AGTPBP1: variants seen among roughly 807,000 people sequenced by gnomAD.
AGTPBP1 encodes the protein ATP/GTP binding carboxypeptidase 1.
In AGTPBP1, 70 loss-of-function variants were observed where a neutral mutation model predicts 143.9. That is an observed-to-expected ratio of 0.49 (90% CI 0.40 to 0.59). The LOEUF (loss-of-function observed/expected upper bound fraction) is 0.59, where lower values mean the gene tolerates loss of function less well. AGTPBP1 is among the 20% of genes least tolerant of loss of function. The pLI is 0.00. For synonymous variants in AGTPBP1, 463 were observed against 500.2 expected (o/e 0.93, Z 0.99); for missense variants, 1,229 against 1,464.5 (o/e 0.84, Z 2.62).
intron 8 of AGTPBP1, among the ~76,000 whole-genome samples, chr9:85,664,105 G>A (rs1833996921): frequency 6.6e-6 from 1 of 152,068 alleles, no homozygotes; most frequent in Admixed American, 6.6e-5. Context: ...TAAAATTCCT[G>A]AACTTACATG....
rs961158018 is a variant in AGTPBP1 at position 85,557,599 on chromosome 9, T to C, written c.3504-10313A>G. Among the ~76,000 whole-genome samples the C allele has an allele frequency of 3.3e-5, 5 of 152,176 alleles. No individual in the cohort carries two copies. The South Asian group carries it at 1.0e-3, about 32-fold the overall frequency. Reference sequence around the variant, plus strand: ...CACAGCTATTAGAAAGGAAAATCTTTTTTCTTAATTTGCTTAATTAAATGG... The same window carrying C: ...CACAGCTATTAGAAAGGAAAATCTTCTTTCTTAATTTGCTTAATTAAATGG... On this transcript the variant is annotated intron_variant, in intron 25 of 25. Coordinates refer to ENST00000357081, the MANE Select transcript of AGTPBP1 (RefSeq NM_001330701.2).
chr9:85,756,508 G>A, the AGTPBP1 span, among the ~76,000 whole-genome samples: 29 of 149,162 alleles, frequency 1.9e-4, no homozygotes, highest in African/African-American at 7.1e-4. Flanking sequence ...AGGGTGGGTG[G>A]ATGGATTGAT....
intron 1 of AGTPBP1, among the ~76,000 whole-genome samples, chr9:85,736,523 CT>C (rs748091796): frequency 2.0e-5 from 3 of 152,154 alleles, no homozygotes; most frequent in Non-Finnish European, 4.4e-5. Flanking sequence ...TTCCTACTAT[CT>C]AGCTATAATA....
chr9:85,775,536 G>T, the AGTPBP1 span, among the ~76,000 whole-genome samples: 1 of 145,804 alleles, frequency 6.9e-6, no homozygotes, highest in East Asian at 2.0e-4. Flanking sequence ...TATATATATA[G>T]ATATATAAAA....
In AGTPBP1 at chr9:85,579,878, G is replaced by A. The variant is rs898338689; in HGVS notation, c.3166-782C>T. 7.3e-5 allele frequency among the ~76,000 whole-genome samples: 11 copies of A among 150,652 alleles called. No homozygotes were observed. The East Asian group carries it at 1.8e-3, about 24-fold the overall frequency. ...CATTAAATTAAATTCTAGCTGGATT[G>A]AGAATATAAACTTAAAATTAATAAA... On this transcript the variant is annotated intron_variant, in intron 23 of 25. Coordinates refer to ENST00000357081, the MANE Select transcript of AGTPBP1 (RefSeq NM_001330701.2).
intron 25 of AGTPBP1, among the ~76,000 whole-genome samples, chr9:85,555,444 C>T (rs557232111): frequency 6.6e-6 from 1 of 152,000 alleles, no homozygotes; most frequent in East Asian, 1.9e-4. Context: ...ATTAAAAATA[C>T]AAAAATTAGC....
At chr9:85,673,955 T>C (rs10868337) in intron 6 of AGTPBP1, among the ~76,000 whole-genome samples, 45,753 of 150,980 alleles carry the variant, frequency 0.3, 7,977 homozygotes, top group East Asian at 0.54. Flanking sequence ...CCCGTCTCTA[T>C]TAAAAATACA....
chr9:85,742,073 G>A, upstream of AGTPBP1: 1 of 1,122,396 alleles, frequency 8.9e-7, no homozygotes, highest in East Asian at 4.1e-5. Flanking sequence ...GGGCGGGGCG[G>A]AGCGCACGCC....
At chr9:85,777,088 C>T in the AGTPBP1 span, among the ~76,000 whole-genome samples, 1 of 152,098 alleles carries the variant, frequency 6.6e-6, no homozygotes, top group Non-Finnish European at 1.5e-5. Context: ...GGACCTTCAT[C>T]CTGCGAATGA....
chr9:85,565,451 A>G (rs866407688), intron 25 of AGTPBP1, among the ~76,000 whole-genome samples: 5 of 152,312 alleles, frequency 3.3e-5, no homozygotes, highest in Middle Eastern at 3.4e-3. Flanking sequence ...AAAAAAAGTT[A>G]GGGGAATTTA....
intron 17 of AGTPBP1, among the ~76,000 whole-genome samples, chr9:85,604,335 G>T (rs1223704341): frequency 3.9e-5 from 6 of 152,230 alleles, no homozygotes; most frequent in Non-Finnish European, 8.8e-5. Context: ...GATAATCCAA[G>T]AAATTATCTT....
intron 1 of AGTPBP1, among the ~76,000 whole-genome samples, chr9:85,731,917 TCA>T (rs1481112894): frequency 1.3e-5 from 2 of 152,192 alleles, no homozygotes; most frequent in Non-Finnish European, 2.9e-5. Context: ...TCTGTAAGGT[TCA>T]CACACTACTC....
chr9:85,743,959 T>G (rs1824553120), upstream of AGTPBP1, among the ~76,000 whole-genome samples: 1 of 150,740 alleles, frequency 6.6e-6, no homozygotes, highest in Non-Finnish European at 1.5e-5. Flanking sequence ...AGACTCTCAC[T>G]CTGTTGCCAA....
intron 2 of AGTPBP1, among the ~76,000 whole-genome samples, chr9:85,699,582 TA>T (rs564293037): frequency 9.2e-5 from 13 of 141,910 alleles, no homozygotes; most frequent in South Asian, 4.4e-4. Context: ...ATAAATACGG[TA>T]AAAAAAAATA....
chr9:85,762,302 C>G, the AGTPBP1 span, among the ~76,000 whole-genome samples: 2 of 151,266 alleles, frequency 1.3e-5, no homozygotes, highest in Non-Finnish European at 2.9e-5. Context: ...AATCATGCTG[C>G]TATAAAGACA....
At chr9:85,576,171 A>T (rs1305757565) in intron 24 of AGTPBP1, among the ~76,000 whole-genome samples, 1 of 152,168 alleles carries the variant, frequency 6.6e-6, no homozygotes, top group Non-Finnish European at 1.5e-5. Flanking sequence ...ATCACATAAA[A>T]CCATAAAAAT....
intron 2 of AGTPBP1, among the ~76,000 whole-genome samples, chr9:85,702,659 C>CTT (rs370857631): frequency 0.015 from 2,202 of 143,442 alleles, 24 homozygotes; most frequent in Middle Eastern, 0.039. Flanking sequence ...GTCTCTCTCT[C>CTT]TTTTTTTTTT....
chr9:85,598,748 C>T (rs1012516784), intron 17 of AGTPBP1, among the ~76,000 whole-genome samples: 9 of 152,144 alleles, frequency 5.9e-5, no homozygotes, highest in African/African-American at 2.2e-4. Flanking sequence ...AAAATGGAGT[C>T]TTGCTCTGTT....
intron 1 of AGTPBP1, among the ~76,000 whole-genome samples, chr9:85,731,788 G>A (rs906708075): frequency 6.6e-6 from 1 of 152,062 alleles, no homozygotes; most frequent in Non-Finnish European, 1.5e-5. Flanking sequence ...CTTCAAACAG[G>A]AAAATTGATT....
Sources: gnomAD v4.1 joint callset for allele counts (sites outside exome capture counted in the v4.1 genomes callset) on GRCh38, gnomAD v4.1.1 for gene constraint, MANE v1.5 for transcripts, NCBI Gene and HGNC (gene_info 2026-07-23, HGNC 2026-07-21) for gene names.